The following MAST4 variants were observed in gnomAD, a reference collection of about 807,000 sequenced individuals.
MAST4 encodes the protein microtubule-associated serine/threonine-protein kinase 4.
In MAST4, 89 loss-of-function variants were observed where a neutral mutation model predicts 162.7. That is an observed-to-expected ratio of 0.55 (90% CI 0.46 to 0.65). The LOEUF (loss-of-function observed/expected upper bound fraction) is 0.65, where lower values mean the gene tolerates loss of function less well. Among genes scored for constraint, MAST4 ranks in the 30% least tolerant of loss-of-function variants. The pLI, the probability that MAST4 is intolerant of heterozygous loss-of-function variation, is 0.00. For missense variants in MAST4, 3,153 were observed against 3,374.0 expected, an observed-to-expected ratio of 0.93 and a Z score of 1.62; for synonymous variants, 1,479 against 1,361.1, an observed-to-expected ratio of 1.09 and a Z score of -1.91.
intron 1 of MAST4, among the ~76,000 whole-genome samples, chr5:66,721,295 A>G (rs1449851477): frequency 6.6e-6 from 1 of 152,072 alleles, no homozygotes; most frequent in African/African-American, 2.4e-5. Flanking sequence ...TTGAACCCAG[A>G]CTATAGGCTT....
At chr5:66,925,953 T>C (rs1764861176) in intron 4 of MAST4, among the ~76,000 whole-genome samples, 1 of 152,150 alleles carries the variant, frequency 6.6e-6, no homozygotes, top group Non-Finnish European at 1.5e-5. Context: ...ATTTTTTTTT[T>C]TTGCATTTAA....
At chr5:66,909,338 C>G (rs1315825070) in intron 4 of MAST4, among the ~76,000 whole-genome samples, 1 of 152,140 alleles carries the variant, frequency 6.6e-6, no homozygotes, top group Non-Finnish European at 1.5e-5. Context: ...CTCAGTGGCC[C>G]CTCTATCAGA....
intron 18 of MAST4, among the ~76,000 whole-genome samples, chr5:67,135,389 T>G (rs971501067): frequency 6.6e-6 from 1 of 152,202 alleles, no homozygotes. Context: ...TAAATTTCCC[T>G]GGAACATACA....
intron 1 of MAST4, among the ~76,000 whole-genome samples, chr5:66,673,527 T>TG (rs1165899250): frequency 2.5e-5 from 3 of 120,650 alleles, no homozygotes; most frequent in Non-Finnish European, 5.8e-5. Context: ...TTTTTTGTTT[T>TG]TTGTTTTTTT....
At chr5:66,654,805 A>T (rs1313566480) in intron 1 of MAST4, among the ~76,000 whole-genome samples, 1 of 152,138 alleles carries the variant, frequency 6.6e-6, no homozygotes, top group Non-Finnish European at 1.5e-5. Flanking sequence ...TAAATATGGA[A>T]ATTCTAGGTT....
intron 7 of MAST4, among the ~76,000 whole-genome samples, chr5:67,099,812 G>T (rs1764832172): frequency 6.9e-6 from 1 of 144,966 alleles, no homozygotes. Context: ...CCACTTGAAG[G>T]TTTTTTTTTT....
At chr5:67,034,995 C>G (rs1026501834) in intron 4 of MAST4, among the ~76,000 whole-genome samples, 1 of 152,264 alleles carries the variant, frequency 6.6e-6, no homozygotes, top group Admixed American at 6.5e-5. Context: ...TAGAGATAAC[C>G]TGCATTCACT....
chr5:66,964,789 T>C (rs985630486), intron 4 of MAST4, among the ~76,000 whole-genome samples: 2 of 152,068 alleles, frequency 1.3e-5, no homozygotes, highest in Non-Finnish European at 2.9e-5. Flanking sequence ...GGCGAAAGAG[T>C]GAGACTCCGT....
chr5:66,692,719 T>C lies in MAST4; in HGVS notation c.364-66990T>C, dbSNP rs376033058. Among the ~76,000 whole-genome samples the C allele has an allele frequency of 2.0e-5, 3 of 152,250 alleles. No homozygotes were observed. In the East Asian group the frequency reaches 5.8e-4, roughly 29 times the overall value. On this transcript the variant is annotated intron_variant, in intron 1 of 28. Coordinates refer to ENST00000403625, the MANE Select transcript of MAST4 (RefSeq NM_001164664.2). ...CCTTACCGTTCTGCAATCATCCCATTGTGAGGGCTCTGGTCGGGGCCTGCT... is the reference window on the plus strand; with the variant it reads ...CCTTACCGTTCTGCAATCATCCCATCGTGAGGGCTCTGGTCGGGGCCTGCT...
chr5:67,009,482 G>A (rs1346077597), intron 4 of MAST4, among the ~76,000 whole-genome samples: 2 of 152,146 alleles, frequency 1.3e-5, no homozygotes, highest in African/African-American at 2.4e-5. Context: ...TTAACATCTT[G>A]ACTGTATGAG....
chr5:67,061,317 A>G (rs1213126487), intron 5 of MAST4, among the ~76,000 whole-genome samples: 1 of 152,172 alleles, frequency 6.6e-6, no homozygotes, highest in African/African-American at 2.4e-5. Flanking sequence ...TTTTATTTCT[A>G]TGGGATTTAG....
intron 4 of MAST4, among the ~76,000 whole-genome samples, chr5:66,940,997 C>A (rs1652374638): frequency 6.6e-6 from 1 of 152,112 alleles, no homozygotes; most frequent in Admixed American, 6.6e-5. Flanking sequence ...TGCCAAAGAG[C>A]AGTAATATCT....
At chr5:66,758,866 C>G (rs562538320) in intron 1 of MAST4, among the ~76,000 whole-genome samples, 2 of 152,244 alleles carry the variant, frequency 1.3e-5, no homozygotes, top group Non-Finnish European at 2.9e-5. Flanking sequence ...TAATAACTAA[C>G]TGGAAGTATG....
intron 5 of MAST4, among the ~76,000 whole-genome samples, chr5:67,073,462 A>T (rs1761214416): frequency 6.6e-6 from 1 of 152,232 alleles, no homozygotes; most frequent in Non-Finnish European, 1.5e-5. Context: ...TCGGCTCACG[A>T]TATGGGAAAT....
intron 1 of MAST4, among the ~76,000 whole-genome samples, chr5:66,719,498 A>G (rs1016289851): frequency 3.3e-5 from 5 of 152,226 alleles, no homozygotes; most frequent in Admixed American, 1.3e-4. Flanking sequence ...AAATGAGATG[A>G]AATCTTGTCC....
At chr5:66,709,003 C>T (rs1214974823) in intron 1 of MAST4, among the ~76,000 whole-genome samples, 2 of 152,160 alleles carry the variant, frequency 1.3e-5, no homozygotes, top group Non-Finnish European at 2.9e-5. Flanking sequence ...AGGAGCACAA[C>T]TAGTTTTCAA....
chr5:66,885,813 A>G lies in MAST4; in HGVS notation c.643-14138A>G, dbSNP rs145372248. On this transcript the variant is annotated intron_variant, in intron 3 of 28. Coordinates refer to ENST00000403625, the MANE Select transcript of MAST4 (RefSeq NM_001164664.2). Reference sequence around the variant, plus strand: ...TGAAGATACATCAGCATAACTACCTATTACGTAGATGAGTAATTTATACTT... The same window carrying G: ...TGAAGATACATCAGCATAACTACCTGTTACGTAGATGAGTAATTTATACTT... 1.1e-3 allele frequency among the ~76,000 whole-genome samples: 173 copies of G among 152,310 alleles called. 2 individuals carry two copies. The East Asian group carries it at 0.032, about 28-fold the overall frequency.
intron 2 of MAST4, among the ~76,000 whole-genome samples, chr5:66,788,135 CCACAGA>C (rs1447823796): frequency 9.2e-5 from 14 of 152,146 alleles, no homozygotes; most frequent in African/African-American, 3.4e-4. Flanking sequence ...ATTATGTATC[CCACAGA>C]CACAGTTGGA....
chr5:66,974,071 C>T (rs1036719600), intron 4 of MAST4, among the ~76,000 whole-genome samples: 3 of 152,160 alleles, frequency 2.0e-5, no homozygotes, highest in Non-Finnish European at 4.4e-5. Flanking sequence ...TCCTTCACTT[C>T]CTTAGCATCT....
Sources: allele counts gnomAD v4.1 joint callset (sites outside exome capture counted in the v4.1 genomes callset), GRCh38; gene constraint gnomAD v4.1.1; transcripts MANE v1.5; gene names NCBI Gene and HGNC (gene_info 2026-07-23, HGNC 2026-07-21).